Variants in SETBP1 observed in about 807,000 individuals in gnomAD.
The protein encoded by SETBP1 is SET-binding protein.
A neutral mutation model predicts 101.0 loss-of-function variants in SETBP1; 9 were observed. The observed-to-expected ratio is 0.09, with a 90% confidence interval of 0.05 to 0.16. The LOEUF (loss-of-function observed/expected upper bound fraction) is 0.16, where lower values mean the gene tolerates loss of function less well. SETBP1 is among the 10% of genes least tolerant of loss of function. SETBP1 has a pLI of 1.00. For synonymous variants in SETBP1, 818 were observed against 788.5 expected, an observed-to-expected ratio of 1.04 and a Z score of -0.63; for missense variants, 1,858 against 2,033.8, an observed-to-expected ratio of 0.91 and a Z score of 1.66.
intron 4 of SETBP1, among the ~76,000 whole-genome samples, chr18:45,016,515 G>A (rs559657035): frequency 2.0e-5 from 3 of 152,286 alleles, no homozygotes; most frequent in African/African-American, 7.2e-5. Flanking sequence ...CGGCTTGTAA[G>A]TATTAGCCTG....
At chr18:44,742,704 C>T (rs531454283) in intron 2 of SETBP1, among the ~76,000 whole-genome samples, 20 of 152,308 alleles carry the variant, frequency 1.3e-4, no homozygotes, top group Non-Finnish European at 2.6e-4. Flanking sequence ...GGAGGGCCAG[C>T]CTGCCTCTGT....
chr18:44,737,813 G>T (rs565244718), intron 2 of SETBP1, among the ~76,000 whole-genome samples: 2 of 152,164 alleles, frequency 1.3e-5, no homozygotes, highest in Non-Finnish European at 2.9e-5. Context: ...TTTCCAACCC[G>T]ATTGAGTAAC....
At chr18:45,000,122 G>C (rs2072586937) in intron 4 of SETBP1, among the ~76,000 whole-genome samples, 1 of 152,216 alleles carries the variant, frequency 6.6e-6, no homozygotes, top group African/African-American at 2.4e-5. Context: ...TGCCAACAAA[G>C]GAAATCAGGT....
intron 2 of SETBP1, among the ~76,000 whole-genome samples, chr18:44,814,705 C>T (rs1042185241): frequency 1.3e-5 from 2 of 152,160 alleles, no homozygotes; most frequent in Non-Finnish European, 2.9e-5. Context: ...GCAGGCTGGC[C>T]GCACTCTGAG....
Position 45,063,742 on chromosome 18 carries a change from G to C in SETBP1, c.*44G>C. On this transcript the variant is annotated 3_prime_UTR_variant, in exon 6 of 6. Transcript: ENST00000649279. Reference sequence around the variant, plus strand: ...CACCTGGGGCCTAGGGAACTGACACGTGGGAAGCGCAGTGAGCCGGGGCGG... The same window carrying C: ...CACCTGGGGCCTAGGGAACTGACACCTGGGAAGCGCAGTGAGCCGGGGCGG... The C allele has an allele frequency of 6.3e-7, 1 of 1,578,922 alleles. No homozygotes were observed. Among genetic ancestry groups the C allele is most frequent in the Non-Finnish European group, 8.6e-7 (1 of 1,162,578 alleles).
chr18:44,864,903 G>A (rs1223440879), intron 2 of SETBP1, among the ~76,000 whole-genome samples: 3 of 151,982 alleles, frequency 2.0e-5, no homozygotes, highest in African/African-American at 4.8e-5. Flanking sequence ...TTCCCAATGG[G>A]ATGGAGTGGA....
At chr18:45,040,640 G>T (rs1463937549) in intron 5 of SETBP1, among the ~76,000 whole-genome samples, 1 of 152,178 alleles carries the variant, frequency 6.6e-6, no homozygotes, top group East Asian at 1.9e-4. Context: ...CAGTATAAGA[G>T]AACTTATTGT....
intron 2 of SETBP1, among the ~76,000 whole-genome samples, chr18:44,742,108 A>G (rs539487398): frequency 6.6e-6 from 1 of 152,336 alleles, no homozygotes; most frequent in East Asian, 1.9e-4. Context: ...AACTTGGAGA[A>G]CTATAGGCAG....
intron 2 of SETBP1, among the ~76,000 whole-genome samples, chr18:44,716,137 G>C (rs950486464): frequency 4.6e-5 from 7 of 152,160 alleles, no homozygotes; most frequent in Non-Finnish European, 7.3e-5. Context: ...GCTGGTGTCT[G>C]CTGGGTTTGG....
At position 44,868,718 on chromosome 18, in the gene SETBP1, GGA is replaced by G. The variant is rs1568190621; in HGVS notation, c.487-511_487-510del. On this transcript the variant is annotated intron_variant, in intron 2 of 5. Coordinates refer to ENST00000649279, the MANE Select transcript of SETBP1 (RefSeq NM_015559.3). ...AGAGAGGACGGAAGGAAGGGAGGAAGGAAGGAAGGAAGGAAGGAAGGAAGGAA... is the reference window on the plus strand; with the variant it reads ...AGAGAGGACGGAAGGAAGGGAGGAAGAGGAAGGAAGGAAGGAAGGAAGGAA... Among the ~76,000 whole-genome samples, 4 of 8,314 alleles carry G rather than the reference GGA, an allele frequency of 4.8e-4. No homozygotes were observed. The East Asian group carries it at 7.0e-3, about 15-fold the overall frequency. The allele number at this position is 8,314 out of a possible 152,430, so 5.5% of individuals were successfully genotyped here.
At chr18:44,818,753 TCACACACACA>T (rs34683605) in intron 2 of SETBP1, among the ~76,000 whole-genome samples, 1 of 140,572 alleles carries the variant, frequency 7.1e-6, no homozygotes, top group African/African-American at 2.6e-5. Context: ...ACGCACACAC[TCACACACACA>T]CACACACACA....
chr18:44,937,017 T>C (rs9959876), intron 3 of SETBP1, among the ~76,000 whole-genome samples: 2,749 of 152,244 alleles, frequency 0.018, 81 homozygotes, highest in African/African-American at 0.062. Flanking sequence ...CTATTTCTGC[T>C]GGATGTTGTT....
At chr18:44,924,598 C>T (rs1320176332) in intron 3 of SETBP1, among the ~76,000 whole-genome samples, 1 of 152,106 alleles carries the variant, frequency 6.6e-6, no homozygotes, top group African/African-American at 2.4e-5. Flanking sequence ...ATATGCTTTT[C>T]CTACCATGCC....
intron 2 of SETBP1, among the ~76,000 whole-genome samples, chr18:44,741,101 C>T (rs2070087304): frequency 6.6e-6 from 1 of 152,196 alleles, no homozygotes; most frequent in African/African-American, 2.4e-5. Flanking sequence ...ATTGGGCATT[C>T]ATTCAGTATA....
At chr18:44,773,614 T>A (rs187971879) in intron 2 of SETBP1, among the ~76,000 whole-genome samples, 1 of 152,292 alleles carries the variant, frequency 6.6e-6, no homozygotes, top group East Asian at 1.9e-4. Flanking sequence ...ATATTAGAGT[T>A]CCACTCTTTA....
chr18:44,786,506 A>G (rs1016995093), intron 2 of SETBP1, among the ~76,000 whole-genome samples: 1 of 152,234 alleles, frequency 6.6e-6, no homozygotes, highest in Non-Finnish European at 1.5e-5. Context: ...CAAAGAAAAG[A>G]TGCAGATATG....
intron 3 of SETBP1, among the ~76,000 whole-genome samples, chr18:44,930,833 C>G (rs2070815376): frequency 6.6e-6 from 1 of 150,884 alleles, no homozygotes; most frequent in African/African-American, 2.4e-5. Flanking sequence ...CTCTTTTCTT[C>G]TTTATTAGTC....
chr18:44,890,336 C>T lies in SETBP1; in HGVS notation c.540+21053C>T, dbSNP rs140289350. Among the ~76,000 whole-genome samples the T allele has an allele frequency of 3.0e-3, 449 of 152,134 alleles. 2 individuals are homozygous for T. Among genetic ancestry groups the T allele is most frequent in the African/African-American group, 0.01 (431 of 41,528 alleles). ...CTTTATGTGAAAAGCAGGACAAGAA[C>T]GACATTGTGAAACATAAAGGGGCTG... On this transcript the variant is annotated intron_variant, in intron 3 of 5. Transcript: ENST00000649279.
In SETBP1 at chr18:44,951,200, T is replaced by C; in HGVS notation, c.1860T>C (p.Thr620=). 1 of 1,613,974 alleles carries C rather than the reference T, an allele frequency of 6.2e-7. No homozygotes were observed. Among genetic ancestry groups the C allele is most frequent in the Non-Finnish European group, 8.5e-7 (1 of 1,180,020 alleles). Residue 620 remains threonine, a synonymous_variant, in exon 4 of 6, where the codon ACT becomes ACC. Coordinates refer to ENST00000649279, the MANE Select transcript of SETBP1 (RefSeq NM_015559.3). The surrounding 1 kb of genome is among the most constrained non-coding windows in gnomAD (Gnocchi z 7.8). ...CCATCAGCCGAGAGTTTCCTGGCACTAAGAAAAGAAAGCGACGACGCAATT... is the reference window on the plus strand; with the variant it reads ...CCATCAGCCGAGAGTTTCCTGGCACCAAGAAAAGAAAGCGACGACGCAATT... ...VSPISREFPG[T]KKRKRRRNLA...
Sources: allele counts gnomAD v4.1 joint callset (sites outside exome capture counted in the v4.1 genomes callset), GRCh38; gene constraint gnomAD v4.1.1; non-coding constraint Gnocchi (gnomAD v3.1); transcripts MANE v1.5; gene names NCBI Gene and HGNC (gene_info 2026-07-23, HGNC 2026-07-21).